The following GALNT13 variants were observed in gnomAD, a reference collection of about 807,000 sequenced individuals.
GALNT13 encodes UDP-GalNAc:polypeptide N-acetylgalactosaminyltransferase 13.
GALNT13 carries 28 observed loss-of-function variants against 64.2 expected under a neutral mutation model. That is an observed-to-expected ratio of 0.44 (90% CI 0.32 to 0.60). GALNT13 has a LOEUF of 0.60. Ranked by LOEUF, GALNT13 falls within the 20% of genes least tolerant of loss-of-function variation. The pLI, the probability that GALNT13 is intolerant of heterozygous loss-of-function variation, is 0.05. For missense variants in GALNT13, 577 were observed against 669.8 expected, an observed-to-expected ratio of 0.86 and a Z score of 1.53; for synonymous variants, 214 against 224.6, an observed-to-expected ratio of 0.95 and a Z score of 0.42.
intron 11 of GALNT13, among the ~76,000 whole-genome samples, chr2:154,409,734 G>A (rs1574254625): frequency 6.6e-6 from 1 of 151,950 alleles, no homozygotes; most frequent in Non-Finnish European, 1.5e-5. Flanking sequence ...ACAAAGCAGA[G>A]TTTGAGGTAG....
chr2:153,812,243 A>T, the GALNT13 span, among the ~76,000 whole-genome samples: 1 of 152,194 alleles, frequency 6.6e-6, no homozygotes, highest in Non-Finnish European at 1.5e-5. Context: ...AGATTTATCC[A>T]TGTTTTCTCT....
intron 9 of GALNT13, among the ~76,000 whole-genome samples, chr2:154,324,744 A>G (rs539480532): frequency 6.6e-6 from 1 of 152,192 alleles, no homozygotes; most frequent in Non-Finnish European, 1.5e-5. Context: ...TGCACAGAGC[A>G]AAAGATGAGG....
At chr2:153,532,401 G>A in the GALNT13 span, among the ~76,000 whole-genome samples, 2 of 152,088 alleles carry the variant, frequency 1.3e-5, no homozygotes, top group African/African-American at 4.8e-5. Flanking sequence ...GCACAGCCCT[G>A]GGCCTGACAC....
intron 3 of GALNT13, among the ~76,000 whole-genome samples, chr2:153,980,951 T>C (rs1694420791): frequency 6.6e-6 from 1 of 152,158 alleles, no homozygotes; most frequent in Non-Finnish European, 1.5e-5. Flanking sequence ...GGAGCTTTAC[T>C]TTTATGTAAG....
At chr2:153,943,577 C>T (rs1691498959) in intron 2 of GALNT13, among the ~76,000 whole-genome samples, 1 of 151,906 alleles carries the variant, frequency 6.6e-6, no homozygotes, top group Admixed American at 6.6e-5. Flanking sequence ...TTACTGCAAC[C>T]TCCACCTACC....
chr2:153,412,175 C>T, the GALNT13 span, among the ~76,000 whole-genome samples: 1 of 152,082 alleles, frequency 6.6e-6, no homozygotes, highest in Non-Finnish European at 1.5e-5. Context: ...ATTGTGAGAC[C>T]TATATCTATC....
the GALNT13 span, among the ~76,000 whole-genome samples, chr2:153,755,126 A>G: frequency 6.6e-6 from 1 of 152,124 alleles, no homozygotes; most frequent in South Asian, 2.1e-4. Context: ...TACCTCTTTC[A>G]GTGATATGAA....
chr2:154,287,282 C>T, intron 8 of GALNT13: 1 of 740,576 alleles, frequency 1.4e-6, no homozygotes, highest in Non-Finnish European at 2.4e-6. Flanking sequence ...AGAGCTGATC[C>T]CCAACTCACT....
At chr2:153,847,686 A>G in the GALNT13 span, among the ~76,000 whole-genome samples, 1 of 152,196 alleles carries the variant, frequency 6.6e-6, no homozygotes, top group African/African-American at 2.4e-5. Flanking sequence ...AGTGGTAATA[A>G]AAATAAGACG....
chr2:154,412,403 T>G (rs1699832487), intron 11 of GALNT13, among the ~76,000 whole-genome samples: 1 of 151,800 alleles, frequency 6.6e-6, no homozygotes, highest in African/African-American at 2.4e-5. Flanking sequence ...AAGCAGCAAT[T>G]ATTTTTATGG....
the GALNT13 span, among the ~76,000 whole-genome samples, chr2:153,746,599 T>A: frequency 6.6e-6 from 1 of 152,262 alleles, no homozygotes; most frequent in Admixed American, 6.5e-5. Flanking sequence ...GCTATGAACA[T>A]TTTAGTACAT....
chr2:153,275,670 A>G, the GALNT13 span, among the ~76,000 whole-genome samples: 1 of 152,208 alleles, frequency 6.6e-6, no homozygotes, highest in African/African-American at 2.4e-5. Context: ...CGTTCTTTAT[A>G]AGGGATGTAA....
At chr2:153,118,610 G>A in the GALNT13 span, among the ~76,000 whole-genome samples, 1 of 152,064 alleles carries the variant, frequency 6.6e-6, no homozygotes, top group Non-Finnish European at 1.5e-5. Context: ...TAGGGTCAAG[G>A]AGAGCCTCTG....
the GALNT13 span, among the ~76,000 whole-genome samples, chr2:153,658,959 A>G: frequency 6.6e-6 from 1 of 152,102 alleles, no homozygotes; most frequent in Non-Finnish European, 1.5e-5. Flanking sequence ...TTTCAATATA[A>G]TATTTAGAAC....
At chr2:153,782,273 T>C in the GALNT13 span, among the ~76,000 whole-genome samples, 2 of 152,270 alleles carry the variant, frequency 1.3e-5, no homozygotes, top group South Asian at 2.1e-4. Flanking sequence ...AGAGATACAT[T>C]TTACACAAGC....
the GALNT13 span, among the ~76,000 whole-genome samples, chr2:153,549,983 C>T: frequency 2.6e-5 from 4 of 152,062 alleles, no homozygotes; most frequent in Admixed American, 1.3e-4. Flanking sequence ...TCTAAGCTAC[C>T]GTAGCAATAG....
At chr2:153,230,532 T>C in the GALNT13 span, among the ~76,000 whole-genome samples, 12 of 152,290 alleles carry the variant, frequency 7.9e-5, no homozygotes, top group African/African-American at 2.9e-4. Flanking sequence ...CCCCAAATAA[T>C]TCATCATGAT....
At chr2:153,923,595 G>T (rs957204435) in intron 2 of GALNT13, among the ~76,000 whole-genome samples, 11 of 151,644 alleles carry the variant, frequency 7.3e-5, no homozygotes, top group African/African-American at 2.7e-4. Context: ...CAACATGCAG[G>T]TTTGTTACAT....
the GALNT13 span, among the ~76,000 whole-genome samples, chr2:153,744,901 G>A: frequency 6.6e-6 from 1 of 152,122 alleles, no homozygotes; most frequent in African/African-American, 2.4e-5. Context: ...AAAGCCATTA[G>A]CATTGGTGGA....
Sources: allele counts gnomAD v4.1 joint callset (sites outside exome capture counted in the v4.1 genomes callset), GRCh38; gene constraint gnomAD v4.1.1; transcripts MANE v1.5; gene names NCBI Gene and HGNC (gene_info 2026-07-23, HGNC 2026-07-21).